The following CUX1 variants were observed in gnomAD, a reference collection of about 807,000 sequenced individuals.
CUX1 encodes the protein protein CASP.
Under a neutral mutation model 158.8 loss-of-function variants are expected in CUX1, and 31 were observed. That is an observed-to-expected ratio of 0.20 (90% CI 0.15 to 0.26). The LOEUF (loss-of-function observed/expected upper bound fraction) is 0.26, where lower values mean the gene tolerates loss of function less well. Ranked by LOEUF, CUX1 falls within the 10% of genes least tolerant of loss-of-function variation. The probability of loss-of-function intolerance (pLI) is 1.00; values close to 1 mark genes in which losing one functional copy is unlikely to be tolerated. For synonymous variants in CUX1, 879 were observed against 862.1 expected, an observed-to-expected ratio of 1.02 and a Z score of -0.34; for missense variants, 1,589 against 2,014.6, an observed-to-expected ratio of 0.79 and a Z score of 4.04.
At chr7:102,130,808 C>T (rs1343440125) in intron 8 of CUX1, among the ~76,000 whole-genome samples, 1 of 151,996 alleles carries the variant, frequency 6.6e-6, no homozygotes, top group African/African-American at 2.4e-5. Context: ...CTAAGTTGGA[C>T]GATGTGTGCT....
chr7:102,204,985 C>T (rs1018066632), intron 19 of CUX1, 129 bp from the exon 20 acceptor site: 10 of 676,766 alleles, frequency 1.5e-5, no homozygotes, highest in South Asian at 1.8e-5. Flanking sequence ...CTCCCCGGCC[C>T]GTGGGTCCCC....
rs1253827953 is a variant in CUX1 at position 101,913,521 on chromosome 7, G to A, written c.31-2594G>A. The stretch of plus-strand genomic sequence containing the variant: ...CTCTGACAGATCAGCCCAGGGAGGG[G>A]CAGGTGGGGACCGAGGGGGACGGAG... On this transcript the variant is annotated intron_variant, in intron 1 of 23. Coordinates refer to ENST00000292535, the MANE Select transcript of CUX1 (RefSeq NM_181552.4). 25 of 740,038 alleles carry A rather than the reference G, an allele frequency of 3.4e-5. 1 individual carries two copies. The East Asian group carries it at 1.3e-3, about 39-fold the overall frequency. The allele number at this position is 740,038 out of a possible 1,614,324, so 45.8% of individuals were successfully genotyped here.
At chr7:101,950,113 C>T (rs955536888) in intron 2 of CUX1, among the ~76,000 whole-genome samples, 7 of 151,782 alleles carry the variant, frequency 4.6e-5, no homozygotes, top group East Asian at 3.9e-4. Flanking sequence ...TGGGTTTAAG[C>T]GTTCTCGTGC....
At chr7:101,942,115 C>T (rs986878572) in intron 2 of CUX1, among the ~76,000 whole-genome samples, 1 of 152,152 alleles carries the variant, frequency 6.6e-6, no homozygotes, top group Non-Finnish European at 1.5e-5. Context: ...GCACTGTTCA[C>T]CTACCTTTTT....
chr7:102,170,865 C>T (rs1363616649), intron 10 of CUX1, among the ~76,000 whole-genome samples: 2 of 151,714 alleles, frequency 1.3e-5, no homozygotes, highest in African/African-American at 4.8e-5. Flanking sequence ...TGATCGCTGG[C>T]ATGCGGGTGC....
intron 2 of CUX1, among the ~76,000 whole-genome samples, chr7:101,966,528 A>G (rs1811235103): frequency 6.6e-6 from 1 of 151,974 alleles, no homozygotes; most frequent in South Asian, 2.1e-4. Context: ...GTAAGGTGGT[A>G]TTTTGCACAA....
chr7:101,882,977 C>A (rs1420704022), intron 1 of CUX1, among the ~76,000 whole-genome samples: 1 of 152,172 alleles, frequency 6.6e-6, no homozygotes, highest in Non-Finnish European at 1.5e-5. Context: ...GAGAGCTGCA[C>A]CTCTGGGTGG....
intron 2 of CUX1, among the ~76,000 whole-genome samples, chr7:101,958,608 G>A (rs1810063685): frequency 6.7e-6 from 1 of 148,640 alleles, no homozygotes; most frequent in Admixed American, 6.9e-5. Context: ...GGCCCCTCAA[G>A]TAGCTGAGAT....
Position 102,248,514 on chromosome 7 carries a change from G to A in CUX1, c.3990G>A (p.Ala1330=), listed in dbSNP as rs782420178. Residue 1330 remains alanine, a synonymous_variant, in exon 24 of 24, where the codon GCG becomes GCA. Transcript: ENST00000292535. This position sits in a 1 kb window ranked among gnomAD's most constrained non-coding sequence, Gnocchi z 5.8. ...CCTCGGCCCGCAGCGGCCGGGCGGCGCCCAGCTCGGAGGGCGACAGCTGCG... is the reference window on the plus strand; with the variant it reads ...CCTCGGCCCGCAGCGGCCGGGCGGCACCCAGCTCGGAGGGCGACAGCTGCG... The part of the protein sequence containing the change: ...DSPSARSGRA[A]PSSEGDSCDG... The A allele has an allele frequency of 1.2e-4, 178 of 1,544,946 alleles. No individual in the cohort carries two copies. The highest frequency in any genetic ancestry group is 1.5e-4 in the Non-Finnish European group (172 of 1,149,060).
chr7:102,261,350 C>T (rs959443312), downstream of CUX1, among the ~76,000 whole-genome samples: 10 of 152,048 alleles, frequency 6.6e-5, no homozygotes, highest in African/African-American at 1.7e-4. Context: ...AAAAATTAGC[C>T]AGGCATGATG....
intron 2 of CUX1, among the ~76,000 whole-genome samples, chr7:101,970,482 A>T (rs1370586516): frequency 6.6e-6 from 1 of 150,632 alleles, no homozygotes; most frequent in African/African-American, 2.5e-5. Context: ...AGGATTGCAG[A>T]ACCTGAGCTC....
intron 18 of CUX1, 137 bp from the exon 19 acceptor site, chr7:102,204,253 CG>C: frequency 9.0e-7 from 1 of 1,109,422 alleles, no homozygotes; most frequent in Non-Finnish European, 1.3e-6. Context: ...AAGCTGTCAC[CG>C]CCACCAGGCC....
intron 8 of CUX1, among the ~76,000 whole-genome samples, chr7:102,131,138 G>A (rs1305523814): frequency 1.3e-5 from 2 of 150,676 alleles, no homozygotes; most frequent in East Asian, 3.9e-4. Flanking sequence ...TCTCCAGTTT[G>A]TAGGATTTAA....
At chr7:102,222,023 CA>C (rs1797857518) in intron 20 of CUX1, among the ~76,000 whole-genome samples, 1 of 152,194 alleles carries the variant, frequency 6.6e-6, no homozygotes, top group East Asian at 1.9e-4. Flanking sequence ...CTTTGGGAGG[CA>C]GAGGTGGGTG....
chr7:102,220,286 G>T (rs1192293988), intron 20 of CUX1, among the ~76,000 whole-genome samples: 2 of 152,174 alleles, frequency 1.3e-5, no homozygotes, highest in Non-Finnish European at 2.9e-5. Context: ...GCTTGAAACC[G>T]GGAGGCGGAG....
intron 3 of CUX1, among the ~76,000 whole-genome samples, chr7:102,046,569 A>ATTTTTTTTTTTTTTTTTTTTTTTTTTTT (rs55753644): frequency 1.4e-4 from 8 of 55,464 alleles, no homozygotes; most frequent in Non-Finnish European, 2.6e-4. Context: ...TTTGGTTTGG[A>ATTTTTTTTTTTTTTTTTTTTTTTTTTTT]TTTTTTTTTT....
chr7:102,150,545 CTTTGT>C (rs1401473710), intron 8 of CUX1, among the ~76,000 whole-genome samples: 3 of 152,342 alleles, frequency 2.0e-5, no homozygotes, highest in Non-Finnish European at 2.9e-5. Flanking sequence ...TGTAGATATA[CTTTGT>C]TTTAACAGCT....
intron 15 of CUX1, chr7:102,273,503 C>T (rs77434360): frequency 1.2e-6 from 2 of 1,601,468 alleles, no homozygotes; most frequent in Non-Finnish European, 1.7e-6. Context: ...GGTGAGCCCA[C>T]CCCCCTGCCC....
intron 4 of CUX1, among the ~76,000 whole-genome samples, chr7:102,076,360 G>C (rs1826719955): frequency 6.6e-6 from 1 of 151,858 alleles, no homozygotes; most frequent in Admixed American, 6.6e-5. Flanking sequence ...ACTCCAGCCT[G>C]GGTGACAGAG....
Sources: allele counts gnomAD v4.1 joint callset (sites outside exome capture counted in the v4.1 genomes callset), GRCh38; gene constraint gnomAD v4.1.1; non-coding constraint Gnocchi (gnomAD v3.1); transcripts MANE v1.5; gene names NCBI Gene and HGNC (gene_info 2026-07-23, HGNC 2026-07-21).